PACS2: variants seen among roughly 807,000 people sequenced by gnomAD.
The protein encoded by PACS2 is phosphofurin acidic cluster sorting protein 2, also known as PACS1-like protein.
Under a neutral mutation model 113.0 loss-of-function variants are expected in PACS2, and 36 were observed. The ratio of observed to expected loss-of-function variants is 0.32; its 90% confidence interval spans 0.24 to 0.42. PACS2 has a LOEUF of 0.42. Ranked by LOEUF, PACS2 falls within the 10% of genes least tolerant of loss-of-function variation. PACS2 has a pLI of 1.00. For synonymous variants in PACS2, 589 were observed against 536.1 expected (o/e 1.10, Z -1.36); for missense variants, 1,015 against 1,239.5 (o/e 0.82, Z 2.72).
rs1248855466 is a variant in PACS2 at position 105,340,197 on chromosome 14, C to T, written c.120-8296C>T. On this transcript the variant is annotated intron_variant, in intron 1 of 24. Transcript: ENST00000447393. This position sits in a 1 kb window ranked among gnomAD's most constrained non-coding sequence, Gnocchi z 4.2. ...TGGAATGTACCAGCAGAAACACATG[C>T]GATCGTAATGTGCTTCAGAAATGGC... Among the ~76,000 whole-genome samples, 3 of 152,214 alleles carry T rather than the reference C, an allele frequency of 2.0e-5. No homozygotes were observed. The highest frequency in any genetic ancestry group is 4.4e-5 in the Non-Finnish European group (3 of 68,048).
At chr14:105,386,729 G>A (rs993747983) in intron 19 of PACS2, among the ~76,000 whole-genome samples, 2 of 152,132 alleles carry the variant, frequency 1.3e-5, no homozygotes, top group African/African-American at 2.4e-5. Flanking sequence ...GGAGCTGCTC[G>A]AAGTGGGCAG....
rs190013371 is a variant in PACS2 at position 105,356,411 on chromosome 14, G to A, written c.423+1234G>A. On this transcript the variant is annotated intron_variant, in intron 4 of 24. Coordinates refer to ENST00000447393, the MANE Select transcript of PACS2 (RefSeq NM_001100913.3). The surrounding 1 kb of genome is among the most constrained non-coding windows in gnomAD (Gnocchi z 4.0). Reference sequence around the variant, plus strand: ...GCTTTGCAGTCTTCCCGATTCCTTCGGCAAACCACGGACAGCACGGGTGGA... The same window carrying A: ...GCTTTGCAGTCTTCCCGATTCCTTCAGCAAACCACGGACAGCACGGGTGGA... 8.5e-5 allele frequency among the ~76,000 whole-genome samples: 13 copies of A among 152,278 alleles called. No homozygotes were observed. The highest frequency in any genetic ancestry group is 2.2e-4 in the African/African-American group (9 of 41,560).
rs1474404884 is a variant in PACS2 at position 105,355,637 on chromosome 14, AC to A, written c.423+463del. Among the ~76,000 whole-genome samples the A allele has an allele frequency of 1.3e-5, 2 of 152,116 alleles. No homozygotes were observed. The highest frequency in any genetic ancestry group is 4.8e-5 in the African/African-American group (2 of 41,422). ...GTTCTGTGAAGGGGCTAGCGACAAT[AC>A]CCGAGCAGGGCGGGGGCAGCACCCA... is the stretch of plus-strand genomic sequence containing the variant. On this transcript the variant is annotated intron_variant, in intron 4 of 24. Transcript: ENST00000447393. This position sits in a 1 kb window ranked among gnomAD's most constrained non-coding sequence, Gnocchi z 4.1.
rs116022285 is a variant in PACS2 at position 105,376,942 on chromosome 14, G to A, written c.959+17G>A. On this transcript the variant is annotated intron_variant, in intron 9 of 24. Transcript: ENST00000447393. The surrounding 1 kb of genome is among the most constrained non-coding windows in gnomAD (Gnocchi z 4.7). ...GAAGCTGCGGTGAGCCCTACAGGGC[G>A]GGGCGGGGAGGAACAGCCATTTCAG... 5.7e-3 allele frequency: 9,039 copies of A among 1,572,374 alleles called. 446 individuals carry two copies. The African/African-American group carries it at 0.1, about 18-fold the overall frequency.
At chr14:105,302,137 ACT>A (rs2058053106) in intron 1 of PACS2, among the ~76,000 whole-genome samples, 1 of 149,084 alleles carries the variant, frequency 6.7e-6, no homozygotes, top group African/African-American at 2.5e-5. Context: ...CAAGAGTGAA[ACT>A]CTGTCTCAAA....
In PACS2 at chr14:105,317,851, C is replaced by G. The variant is rs1020123064; in HGVS notation, c.119+2814C>G. On this transcript the variant is annotated intron_variant, in intron 1 of 24. Coordinates refer to ENST00000447393, the MANE Select transcript of PACS2 (RefSeq NM_001100913.3). This position sits in a 1 kb window ranked among gnomAD's most constrained non-coding sequence, Gnocchi z 4.2. ...CTGGGAGGCAGCCGGAGAAGTCTGC[C>G]CCCGGGAGCTTGAACTGGGCATGCT... 6.6e-6 allele frequency among the ~76,000 whole-genome samples: 1 copy of G among 152,088 alleles called. No individual in the cohort carries two copies.
intron 4 of PACS2, among the ~76,000 whole-genome samples, chr14:105,359,137 C>G (rs782181671): frequency 6.6e-6 from 1 of 152,118 alleles, no homozygotes; most frequent in South Asian, 2.1e-4. Flanking sequence ...TCCACACACA[C>G]GTCCACCCCT....
In PACS2 at chr14:105,382,836, G is replaced by A. The variant is rs782807800; in HGVS notation, c.1548G>A (p.Thr516=). 1.7e-5 allele frequency: 27 copies of A among 1,605,054 alleles called. No individual in the cohort carries two copies. The highest frequency in any genetic ancestry group is 3.3e-5 in the Admixed American group (2 of 59,966). The change falls in exon 15 of 25, where the codon ACG becomes ACA. Residue 516 remains threonine, a synonymous_variant. Transcript: ENST00000447393. ...TCTCCGACGTCCTGCAGAGGCACAC[G>A]CTCCCCGTGGTGTGCACGTGCTCTC... ...QFLSDVLQRH[T]LPVVCTCSPA...
Position 105,330,501 on chromosome 14 carries a change from T to C in PACS2, c.119+15464T>C, listed in dbSNP as rs1368846664. Among the ~76,000 whole-genome samples the C allele has an allele frequency of 2.6e-5, 4 of 152,176 alleles. No homozygotes were observed. Among genetic ancestry groups the C allele is most frequent in the Non-Finnish European group, 4.4e-5 (3 of 68,024 alleles). On this transcript the variant is annotated intron_variant, in intron 1 of 24. Transcript: ENST00000447393. This position sits in a 1 kb window ranked among gnomAD's most constrained non-coding sequence, Gnocchi z 6.9. ...CAGAGTTTTCTTTCCGAGCACTCAA[T>C]GCTCACCTCCTGGGAGGGAGTGGGG...
At chr14:105,380,359 G>A (rs1379705480) in intron 11 of PACS2, among the ~76,000 whole-genome samples, 2 of 148,982 alleles carry the variant, frequency 1.3e-5, no homozygotes, top group Non-Finnish European at 3.0e-5. Flanking sequence ...GGGTCAGGGC[G>A]CCCTGGACTC....
chr14:105,372,910 A>G (rs1231654229), intron 8 of PACS2: 2 of 152,224 alleles, frequency 1.3e-5, no homozygotes, highest in East Asian at 3.8e-4. Flanking sequence ...TCAAAAAAAA[A>G]AGAAAAAAGC....
intron 4 of PACS2, among the ~76,000 whole-genome samples, chr14:105,360,729 A>G (rs993511799): frequency 2.6e-5 from 4 of 151,632 alleles, no homozygotes; most frequent in African/African-American, 9.7e-5. Context: ...TGCATACTTG[A>G]CTCTTCTTTT....
chr14:105,301,790 G>T (rs757885734), intron 1 of PACS2, among the ~76,000 whole-genome samples: 5 of 151,814 alleles, frequency 3.3e-5, no homozygotes, highest in African/African-American at 7.3e-5. Flanking sequence ...AATATCTGCA[G>T]GTGCTGTTCA....
rs2058280198 is a variant in PACS2, at chr14:105,309,285, G to C, written c.-83+8306G>C. Among the ~76,000 whole-genome samples, 1 of 152,198 alleles carries C rather than the reference G, an allele frequency of 6.6e-6. No individual in the cohort carries two copies. The highest frequency in any genetic ancestry group is 6.5e-5 in the Admixed American group (1 of 15,278). ...GGATAACCACAGTCAAGAGGGGAGA[G>C]TTTTATTCCTGAATCCAGGTCATGC... is the stretch of plus-strand genomic sequence containing the variant. On this transcript the variant is annotated intron_variant, in intron 1 of 23. Coordinates refer to the PACS2 transcript ENST00000430725. The surrounding 1 kb of genome is among the most constrained non-coding windows in gnomAD (Gnocchi z 4.0).
chr14:105,358,370 G>A lies in PACS2; in HGVS notation c.423+3193G>A, dbSNP rs947901646. ...GCCTGCCACTTCTCAGGAAGCTTGA[G>A]CTGACTGCAGGTGGTCCCTCTCAGA... On this transcript the variant is annotated intron_variant, in intron 4 of 24. Coordinates refer to ENST00000447393, the MANE Select transcript of PACS2 (RefSeq NM_001100913.3). The surrounding 1 kb of genome is among the most constrained non-coding windows in gnomAD (Gnocchi z 4.9). 7.2e-5 allele frequency among the ~76,000 whole-genome samples: 11 copies of A among 152,238 alleles called. No individual in the cohort carries two copies. Among genetic ancestry groups the A allele is most frequent in the African/African-American group, 2.2e-4 (9 of 41,454 alleles).
At chr14:105,345,465 A>C (rs148603335) in intron 1 of PACS2, among the ~76,000 whole-genome samples, 1 of 152,222 alleles carries the variant, frequency 6.6e-6, no homozygotes, top group East Asian at 1.9e-4. Context: ...CTTTTCTGAC[A>C]TAAGCACTTA....
intron 15 of PACS2, 138 bp downstream of exon 15, chr14:105,383,051 C>T (rs587612800): frequency 5.8e-5 from 37 of 639,944 alleles, no homozygotes; most frequent in African/African-American, 5.4e-4. Context: ...CTGACCCATG[C>T]GCTCTTCGCA....
At position 105,355,323 on chromosome 14, in the gene PACS2, C is replaced by G. The variant is rs1460635710; in HGVS notation, c.423+146C>G. The G allele has an allele frequency of 4.9e-6, 5 of 1,010,688 alleles. No homozygotes were observed. The highest frequency in any genetic ancestry group is 4.9e-5 in the African/African-American group (3 of 61,364). 62.6% of individuals were successfully genotyped at this position (1,010,688 alleles called of 1,614,324 possible). A position where few individuals can be genotyped will look rare whatever the true frequency, so the allele number is the denominator to read the frequency against. On this transcript the variant is annotated intron_variant, in intron 4 of 24. Transcript: ENST00000447393. This position sits in a 1 kb window ranked among gnomAD's most constrained non-coding sequence, Gnocchi z 4.1. Reference sequence around the variant, plus strand: ...TGAGAGGAGCCTGGGCGGCCGGGCTCCGCCATAAGGGCCAGGTGCGGCCCC... The same window carrying G: ...TGAGAGGAGCCTGGGCGGCCGGGCTGCGCCATAAGGGCCAGGTGCGGCCCC...
chr14:105,369,616 G>A (rs905053926), intron 7 of PACS2, among the ~76,000 whole-genome samples: 2 of 152,034 alleles, frequency 1.3e-5, no homozygotes, highest in Non-Finnish European at 2.9e-5. Flanking sequence ...CATGGAGTCC[G>A]CACACGCCTC....
Sources: gnomAD v4.1 joint callset for allele counts (sites outside exome capture counted in the v4.1 genomes callset) on GRCh38, gnomAD v4.1.1 for gene constraint, Gnocchi (gnomAD v3.1) non-coding constraint, MANE v1.5 for transcripts, NCBI Gene and HGNC (gene_info 2026-07-23, HGNC 2026-07-21) for gene names.